Variants in MTMR9 observed in about 807,000 individuals in gnomAD.
MTMR9 encodes myotubularin-related protein 9.
In MTMR9, 39 loss-of-function variants were observed where a neutral mutation model predicts 69.5. The ratio of observed to expected loss-of-function variants is 0.56; its 90% CI spans 0.43 to 0.73. The LOEUF is 0.73. Among genes scored for constraint, MTMR9 ranks in the 30% least tolerant of loss-of-function variants. The pLI, the probability that MTMR9 is intolerant of heterozygous loss-of-function variation, is 0.00. For missense variants in MTMR9, 900 were observed against 671.2 expected, an observed-to-expected ratio of 1.34 and a Z score of -3.77; for synonymous variants, 354 against 240.8, an observed-to-expected ratio of 1.47 and a Z score of -4.35.
At chr8:11,305,212 C>A (rs145573091) in intron 4 of MTMR9, among the ~76,000 whole-genome samples, 198 bp downstream of exon 4, 161 of 152,292 alleles carry the variant, frequency 1.1e-3, no homozygotes, top group African/African-American at 3.7e-3. Flanking sequence ...TGAATTCTTT[C>A]CATGATCCTG....
intron 1 of MTMR9, among the ~76,000 whole-genome samples, chr8:11,286,474 G>A (rs1465576631): frequency 2.6e-5 from 4 of 151,536 alleles, no homozygotes; most frequent in Non-Finnish European, 5.9e-5. Flanking sequence ...AGACCAGCCT[G>A]ACCAACATGA....
rs1370841434 is a variant in MTMR9 at position 11,326,165 on chromosome 8, G to C, written c.*3377G>C. ...CAGGAGTAATGTTTCGTTGCACTTT[G>C]AAAGATCTGCTTCAAGGCATAACTC... is the stretch of plus-strand genomic sequence containing the variant. On this transcript the variant is annotated 3_prime_UTR_variant, in exon 10 of 10. Coordinates refer to ENST00000221086, the MANE Select transcript of MTMR9 (RefSeq NM_015458.4). 1 of 152,218 alleles carries C rather than the reference G, an allele frequency of 6.6e-6. No individual in the cohort carries two copies. Among genetic ancestry groups the C allele is most frequent in the Non-Finnish European group, 1.5e-5 (1 of 68,044 alleles). 9.4% of individuals were successfully genotyped at this position (152,218 alleles called of 1,614,324 possible).
chr8:11,315,592 C>G (rs1364927373), intron 7 of MTMR9, among the ~76,000 whole-genome samples: 1 of 152,180 alleles, frequency 6.6e-6, no homozygotes, highest in African/African-American at 2.4e-5. Flanking sequence ...ACTGTGTAAG[C>G]TGGTAAATAA....
At chr8:11,304,658 C>G (rs193252105) in intron 3 of MTMR9, among the ~76,000 whole-genome samples, 183 bp from the exon 4 acceptor site, 13 of 152,304 alleles carry the variant, frequency 8.5e-5, no homozygotes, top group African/African-American at 2.9e-4. Flanking sequence ...GAAGCTGGCC[C>G]TGAACCATAG....
rs1800901445 is a variant in MTMR9, at chr8:11,325,695, T to C, written c.*2907T>C. ...TAATCAGAAGAACATTGTTGTTTGA[T>C]TATATGTTTTTAAAAACCTGAAGCT... On this transcript the variant is annotated 3_prime_UTR_variant, in exon 10 of 10. Coordinates refer to ENST00000221086, the MANE Select transcript of MTMR9 (RefSeq NM_015458.4). 1 of 151,956 alleles carries C rather than the reference T, an allele frequency of 6.6e-6. No individual in the cohort carries two copies. The highest frequency in any genetic ancestry group is 1.5e-5 in the Non-Finnish European group (1 of 68,000). The allele number at this position is 151,956 out of a possible 1,614,324, so 9.4% of individuals were successfully genotyped here.
the MTMR9 span, among the ~76,000 whole-genome samples, chr8:11,334,023 G>A: frequency 6.6e-6 from 1 of 152,156 alleles, no homozygotes; most frequent in East Asian, 1.9e-4. Flanking sequence ...TTCAGCCCCG[G>A]TCCTTTTCTG....
rs1294027002 is a variant in MTMR9 at position 11,298,590 on chromosome 8, C to T, written c.292-1433C>T. On this transcript the variant is annotated intron_variant, in intron 2 of 9. Coordinates refer to ENST00000221086, the MANE Select transcript of MTMR9 (RefSeq NM_015458.4). ...CTATCCTTTTGCATGCCTGATCTTC[C>T]TCTGACCTGGAGGGAGATAAGTGCA... Among the ~76,000 whole-genome samples the T allele has an allele frequency of 2.6e-5, 4 of 152,018 alleles. No individual in the cohort carries two copies. In the East Asian group the frequency reaches 7.7e-4, roughly 29 times the overall value.
In MTMR9 at chr8:11,325,912, G is replaced by C. The variant is rs112848436; in HGVS notation, c.*3124G>C. The C allele has an allele frequency of 2.0e-5, 3 of 152,070 alleles. No individual in the cohort carries two copies. Among genetic ancestry groups the C allele is most frequent in the African/African-American group, 7.2e-5 (3 of 41,400 alleles). The allele number at this position is 152,070 out of a possible 1,614,324, so 9.4% of individuals were successfully genotyped here. On this transcript the variant is annotated 3_prime_UTR_variant, in exon 10 of 10. Transcript: ENST00000221086. ...TTAAAGTGATTTTTGAGAAGACTTG[G>C]GGGGGACAATAATAGACATTCATGT... is the stretch of plus-strand genomic sequence containing the variant.
At chr8:11,306,583 A>C (rs930240331) in intron 5 of MTMR9, among the ~76,000 whole-genome samples, 176 bp downstream of exon 5, 1 of 152,076 alleles carries the variant, frequency 6.6e-6, no homozygotes, top group Non-Finnish European at 1.5e-5. Flanking sequence ...TTTGATTGAC[A>C]AATAAAAATT....
chr8:11,320,016 CTT>C (rs113060213), intron 9 of MTMR9, 178 bp downstream of exon 9: 1,545 of 404,172 alleles, frequency 3.8e-3, no homozygotes, highest in South Asian at 5.3e-3. Context: ...TCTAGCCACA[CTT>C]TTTTTTTTTT....
intron 1 of MTMR9, among the ~76,000 whole-genome samples, chr8:11,294,490 A>T (rs1799477892): frequency 8.0e-6 from 1 of 125,018 alleles, no homozygotes; most frequent in South Asian, 2.5e-4. Context: ...GATTTTGTCA[A>T]ATACTTTCAC....
intron 1 of MTMR9, among the ~76,000 whole-genome samples, chr8:11,289,065 A>C (rs1316502226): frequency 6.6e-6 from 1 of 152,172 alleles, no homozygotes; most frequent in Non-Finnish European, 1.5e-5. Context: ...CCAGCTACTC[A>C]GGAGGCTGAG....
chr8:11,322,834 C>G lies in MTMR9; in HGVS notation c.*46C>G. On this transcript the variant is annotated 3_prime_UTR_variant, in exon 10 of 10. Transcript: ENST00000221086. ...GCAAGGACCTTCTTGGGCCTGTGTC[C>G]GCCGTTCTCTCCTTGTGCCCTTCAG... The G allele has an allele frequency of 6.4e-7, 1 of 1,563,470 alleles. No individual in the cohort carries two copies. Among genetic ancestry groups the G allele is most frequent in the Non-Finnish European group, 8.7e-7 (1 of 1,150,196 alleles).
Position 11,325,104 on chromosome 8 carries a change from C to T in MTMR9, c.*2316C>T, listed in dbSNP as rs1255227907. The T allele has an allele frequency of 6.6e-6, 1 of 152,186 alleles. No individual in the cohort carries two copies. The highest frequency in any genetic ancestry group is 2.4e-5 in the African/African-American group (1 of 41,448). The allele number at this position is 152,186 out of a possible 1,614,324, so 9.4% of individuals were successfully genotyped here. A position where few individuals can be genotyped will look rare whatever the true frequency, so the allele number is the denominator to read the frequency against. On this transcript the variant is annotated 3_prime_UTR_variant, in exon 10 of 10. Transcript: ENST00000221086. ...AATCTATACTGTTTTGGCAAGTTTG[C>T]ATTTTAGTATTAATTTATAATTAGG...
At chr8:11,321,686 C>A (rs1356062495) in intron 9 of MTMR9, 1 of 313,758 alleles carries the variant, frequency 3.2e-6, no homozygotes, top group African/African-American at 2.2e-5. Flanking sequence ...CTTAAAATAT[C>A]TCTCTGCTGT....
chr8:11,302,764 C>T (rs956966986), intron 3 of MTMR9, among the ~76,000 whole-genome samples: 1 of 151,908 alleles, frequency 6.6e-6, no homozygotes, highest in African/African-American at 2.4e-5. Context: ...GCAAAATTGT[C>T]AATATTTATT....
intron 3 of MTMR9, among the ~76,000 whole-genome samples, chr8:11,303,942 C>G (rs1216511455): frequency 1.3e-5 from 2 of 152,190 alleles, no homozygotes; most frequent in Admixed American, 6.5e-5. Flanking sequence ...AAGTAATAAT[C>G]TTGTCTGTTA....
chr8:11,308,934 A>G (rs1800076757), intron 5 of MTMR9, among the ~76,000 whole-genome samples: 1 of 152,222 alleles, frequency 6.6e-6, no homozygotes, highest in East Asian at 1.9e-4. Context: ...GTAGATCAGC[A>G]GTTGCTACAC....
In MTMR9 at chr8:11,323,687, A is replaced by C. The variant is rs1043216521; in HGVS notation, c.*899A>C. On this transcript the variant is annotated 3_prime_UTR_variant, in exon 10 of 10. Transcript: ENST00000221086. ...TGCACTGCCCTTGTCTAAAGTTCTT[A>C]TTGCACTGGTTTATATGTGTATGTG... 1 of 152,160 alleles carries C rather than the reference A, an allele frequency of 6.6e-6. No individual in the cohort carries two copies. Among genetic ancestry groups the C allele is most frequent in the Non-Finnish European group, 1.5e-5 (1 of 68,024 alleles). 9.4% of individuals were successfully genotyped at this position (152,160 alleles called of 1,614,324 possible).
Sources: gnomAD v4.1 joint callset for allele counts (sites outside exome capture counted in the v4.1 genomes callset) on GRCh38, gnomAD v4.1.1 for gene constraint, MANE v1.5 for transcripts, NCBI Gene and HGNC (gene_info 2026-07-23, HGNC 2026-07-21) for gene names.